PAX6: variants seen among roughly 807,000 people sequenced by gnomAD.
PAX6 encodes the protein paired box 6, also known as paired box protein Pax-6.
A neutral mutation model predicts 60.7 loss-of-function variants in PAX6; 7 were observed. The ratio of observed to expected loss-of-function variants is 0.12; its 90% CI spans 0.07 to 0.22. The LOEUF is 0.22. PAX6 is among the 10% of genes least tolerant of loss of function. PAX6 has a pLI of 1.00. For synonymous variants in PAX6, 208 were observed against 201.2 expected, an observed-to-expected ratio of 1.03 and a Z score of -0.29; for missense variants, 355 against 555.2, an observed-to-expected ratio of 0.64 and a Z score of 3.62.
intron 13 of PAX6, chr11:31,790,259 A>G: frequency 1.9e-6 from 1 of 529,876 alleles, no homozygotes; most frequent in Admixed American, 4.2e-5. Context: ...CCAAAGGAAA[A>G]GAAAAAAAAA....
intron 9 of PAX6, 192 bp downstream of exon 9, chr11:31,794,423 CACACACACACACACA>C (rs1565204576): frequency 0.029 from 92 of 3,154 alleles, no homozygotes; most frequent in African/African-American, 0.15. Context: ...ACACACACCA[CACACACACACACACA>C]CACACACACA....
In PAX6 at chr11:31,794,052, G is replaced by T; in HGVS notation, c.787C>A (p.Leu263Ile). ...GGTACCTGTATTCTTGCTTCAGGTA[G>T]ATCTATTTTGGCTGCTAGTCTTTCT... ...ARERLAAKIDLPEARIQVWFS... is the reference protein window; with the variant it reads ...ARERLAAKIDIPEARIQVWFS... The change falls in exon 10 of 14, where the codon CTA becomes ATA. Residue 263 changes from leucine to isoleucine, a missense_variant. Leu to Ile is a conservative substitution (Grantham distance 5). This residue lies in a region of PAX6 where 17 missense variants were observed against 57.5 expected (regional missense o/e 0.30). Coordinates refer to ENST00000640368, the MANE Select transcript of PAX6 (RefSeq NM_001368894.2). 1 of 1,608,638 alleles carries T rather than the reference G, an allele frequency of 6.2e-7. No homozygotes were observed. Among genetic ancestry groups the T allele is most frequent in the African/African-American group, 1.3e-5 (1 of 74,934 alleles).
chr11:31,793,543 G>C lies in PAX6; in HGVS notation c.969C>G (p.Phe323Leu). ...TTCGGCCCAACATGGAGCCAGATGT[G>C]AAGGAGGAAACTGAGGGCAAGAGAA... ...IPQPTTPVSS[F>L]TSGSMLGRTD... The change falls in exon 12 of 14, where the codon TTC becomes TTG. Residue 323 changes from phenylalanine to leucine, a missense_variant. Around this residue, in one of 5 missense-constraint regions of PAX6, gnomAD observed 149 missense variants for 191.9 expected, o/e 0.78. Transcript: ENST00000640368. 6.2e-7 allele frequency: 1 copy of C among 1,614,238 alleles called. No individual in the cohort carries two copies. The highest frequency in any genetic ancestry group is 8.5e-7 in the Non-Finnish European group (1 of 1,180,032).
At chr11:31,798,899 G>C (rs373213389) in intron 8 of PAX6, among the ~76,000 whole-genome samples, 8 of 152,332 alleles carry the variant, frequency 5.3e-5, no homozygotes, top group East Asian at 3.9e-4. Context: ...GAAGCGGAAG[G>C]GGGGTGTATC....
rs908653442 is a variant in PAX6, at chr11:31,811,290, C to G, written c.-492G>C. ...GGAAATGAGGCCGAGCCACGGTTCCCTTTTCAAACCCACTAATCACTCCGC... is the reference window on the plus strand; with the variant it reads ...GGAAATGAGGCCGAGCCACGGTTCCGTTTTCAAACCCACTAATCACTCCGC... On this transcript the variant is annotated 5_prime_UTR_variant, in exon 1 of 14. Coordinates refer to ENST00000640368, the MANE Select transcript of PAX6 (RefSeq NM_001368894.2). The G allele has an allele frequency of 5.0e-6, 2 of 398,772 alleles. No individual in the cohort carries two copies. The highest frequency in any genetic ancestry group is 8.8e-6 in the Non-Finnish European group (2 of 226,124). 24.7% of individuals were successfully genotyped at this position (398,772 alleles called of 1,614,324 possible). A position where few individuals can be genotyped will look rare whatever the true frequency, so the allele number is the denominator to read the frequency against.
chr11:31,804,476 C>T (rs1009010912), intron 4 of PAX6: 9 of 152,242 alleles, frequency 5.9e-5, no homozygotes, highest in Admixed American at 3.9e-4. Context: ...GGGCCGGAGC[C>T]TCAACTCGAT....
At chr11:31,812,470 A>C, upstream of PAX6, 1 of 152,592 alleles carries the variant, frequency 6.6e-6, no homozygotes, top group Admixed American at 6.5e-5. Flanking sequence ...GCTCCCCTTC[A>C]GCTGTTGCCA....
Position 31,793,719 on chromosome 11 carries a change from A to G in PAX6, c.891T>C (p.Ser297=). The part of the protein sequence containing the change: ...NQRRQASNTP[S]HIPISSSFST... ...TGAAACTACTGCTGATAGGAATATG[A>G]CTAGGTGTGTTGCTGGCCTGTCTTC... The change falls in exon 11 of 14, where the codon AGT becomes AGC. Residue 297 remains serine (S), a synonymous_variant. Transcript: ENST00000640368. The G allele has an allele frequency of 1.2e-6, 2 of 1,614,102 alleles. No individual in the cohort carries two copies. Among genetic ancestry groups the G allele is most frequent in the Non-Finnish European group, 1.7e-6 (2 of 1,179,954 alleles).
chr11:31,800,662 A>G lies in PAX6; in HGVS notation c.565+29T>C, dbSNP rs370128664. On this transcript the variant is annotated intron_variant, in intron 8 of 13. Transcript: ENST00000640368. The stretch of plus-strand genomic sequence containing the variant: ...CAGGCAAAGGGATGCACATATGGAG[A>G]GCTGCGTGGATGGCTGCTTGGGTTT... 10 of 1,613,164 alleles carry G rather than the reference A, an allele frequency of 6.2e-6. No individual in the cohort carries two copies. In the South Asian group the frequency reaches 1.1e-4, roughly 18 times the overall value.
chr11:31,810,315 C>G (rs1956789389), intron 2 of PAX6: 1 of 152,256 alleles, frequency 6.6e-6, no homozygotes, highest in African/African-American at 2.4e-5. Context: ...GGAGACGCGG[C>G]GAGCAGGTTC....
At chr11:31,814,990 G>GTCTCTCTCTCTCTCTCTCTCTCTCTC (rs71060502), upstream of PAX6, 197 of 130,402 alleles carry the variant, frequency 1.5e-3, 6 homozygotes, top group East Asian at 5.2e-3. Context: ...AGGCCAGCCT[G>GTCTCTCTCTCTCTCTCTCTCTCTCTC]TCTCTCTCTC....
upstream of PAX6, chr11:31,812,738 G>A (rs1051323372): frequency 1.3e-5 from 2 of 152,494 alleles, no homozygotes; most frequent in South Asian, 4.1e-4. Flanking sequence ...GACAGGGCGA[G>A]GGGGAATAGG....
intron 5 of PAX6, 172 bp from the exon 6 acceptor site, chr11:31,802,084 C>A: frequency 1.6e-6 from 1 of 641,078 alleles, no homozygotes. Context: ...TTCTTAAACA[C>A]TGCCTGAAGA....
Position 31,794,423 on chromosome 11 carries a change from CACACACACA to C in PAX6, c.724+198_724+206del. The C allele has an allele frequency of 1.9e-3, 6 of 3,168 alleles. No homozygotes were observed. The East Asian group carries it at 0.026, about 14-fold the overall frequency. 0.2% of individuals were successfully genotyped at this position (3,168 alleles called of 1,614,324 possible). A position where few individuals can be genotyped will look rare whatever the true frequency, so the allele number is the denominator to read the frequency against. On this transcript the variant is annotated intron_variant, in intron 9 of 13. Coordinates refer to ENST00000640368, the MANE Select transcript of PAX6 (RefSeq NM_001368894.2). ...AGAAGAAACACACACACACACACCACACACACACACACACACACACACACACACACACAC... is the reference window on the plus strand; with the variant it reads ...AGAAGAAACACACACACACACACCACCACACACACACACACACACACACAC...
intron 4 of PAX6, chr11:31,805,949 G>A (rs1955654891): frequency 6.0e-6 from 1 of 167,182 alleles, no homozygotes; most frequent in African/African-American, 2.4e-5. Flanking sequence ...AGAGTGACTT[G>A]GGGAGAGAAG....
intron 8 of PAX6, among the ~76,000 whole-genome samples, chr11:31,795,778 C>T (rs1218272245): frequency 6.6e-6 from 1 of 152,250 alleles, no homozygotes; most frequent in Admixed American, 6.5e-5. Flanking sequence ...TTGCACCTTG[C>T]CTGTAAGGCC....
upstream of PAX6, chr11:31,812,057 T>G (rs1298698722): frequency 1.3e-5 from 2 of 152,538 alleles, no homozygotes; most frequent in African/African-American, 2.4e-5. Context: ...GAGGCACAGC[T>G]CTGGCTGGAG....
intron 8 of PAX6, among the ~76,000 whole-genome samples, chr11:31,797,634 A>C (rs1952027938): frequency 6.6e-6 from 1 of 151,954 alleles, no homozygotes; most frequent in African/African-American, 2.4e-5. Flanking sequence ...TCATTACTTT[A>C]GAAGTGGCAA....
At chr11:31,808,233 T>G (rs1279135811) in intron 2 of PAX6, 1 of 152,248 alleles carries the variant, frequency 6.6e-6, no homozygotes, top group Non-Finnish European at 1.5e-5. Flanking sequence ...GAAGCACATT[T>G]TACTCTACAA....
Sources: allele counts gnomAD v4.1 joint callset (sites outside exome capture counted in the v4.1 genomes callset), GRCh38; gene constraint gnomAD v4.1.1; regional missense constraint gnomAD v4.1.1; transcripts MANE v1.5; gene names NCBI Gene and HGNC (gene_info 2026-07-23, HGNC 2026-07-21).